Variants in PTPN13 observed in about 807,000 individuals in gnomAD.
PTPN13 encodes the protein protein tyrosine phosphatase non-receptor type 13, also known as tyrosine-protein phosphatase non-receptor type 13.
A neutral mutation model predicts 284.0 loss-of-function variants in PTPN13; 191 were observed. The ratio of observed to expected loss-of-function variants is 0.67; its 90% CI spans 0.60 to 0.76. The LOEUF is 0.76. Ranked by LOEUF, PTPN13 falls within the 30% of genes least tolerant of loss-of-function variation. The probability of loss-of-function intolerance (pLI) is 0.00; values close to 1 mark genes in which losing one functional copy is unlikely to be tolerated. For missense variants in PTPN13, 2,797 were observed against 2,939.9 expected (o/e 0.95, Z 1.12); for synonymous variants, 986 against 1,022.3 (o/e 0.96, Z 0.68).
chr4:86,639,787 A>G (rs1723545610), intron 2 of PTPN13, among the ~76,000 whole-genome samples: 1 of 152,030 alleles, frequency 6.6e-6, no homozygotes, highest in Non-Finnish European at 1.5e-5. Context: ...TATGTAACTA[A>G]CCTGCACAAT....
intron 41 of PTPN13, among the ~76,000 whole-genome samples, chr4:86,797,812 T>G (rs1317928381): frequency 6.6e-6 from 1 of 151,990 alleles, no homozygotes; most frequent in Non-Finnish European, 1.5e-5. Context: ...CATAAAAATA[T>G]TTTTAAACAA....
intron 1 of PTPN13, among the ~76,000 whole-genome samples, chr4:86,603,034 T>G (rs1314169609): frequency 6.6e-6 from 1 of 152,158 alleles, no homozygotes; most frequent in Non-Finnish European, 1.5e-5. Context: ...TATTTCCTGT[T>G]TAGGAATCAC....
chr4:86,729,283 C>G (rs1248834921), intron 10 of PTPN13, among the ~76,000 whole-genome samples: 2 of 149,434 alleles, frequency 1.3e-5, no homozygotes, highest in African/African-American at 4.9e-5. Flanking sequence ...TTTTTTCCTT[C>G]ATTTCAACCT....
At position 86,805,222 on chromosome 4, in the gene PTPN13, A is replaced by G. The variant is rs879031719; in HGVS notation, c.6655-57A>G. The G allele has an allele frequency of 7.6e-5, 87 of 1,149,828 alleles. No homozygotes were observed. In the South Asian group the frequency reaches 1.2e-3, roughly 16 times the overall value. 71.2% of individuals were successfully genotyped at this position (1,149,828 alleles called of 1,614,324 possible). On this transcript the variant is annotated intron_variant, in intron 43 of 47. Transcript: ENST00000411767. ...GCCCCTACACATTTAAAGTATTTGA[A>G]GTTATTACTGAATTACTGCTTATCT...
intron 9 of PTPN13, among the ~76,000 whole-genome samples, chr4:86,721,729 C>T (rs1733682822): frequency 8.5e-6 from 1 of 117,512 alleles, no homozygotes; most frequent in Admixed American, 9.4e-5. Context: ...CCCTCCCCTT[C>T]CCCCTTCCCC....
At chr4:86,659,743 G>C (rs1726259794) in intron 2 of PTPN13, among the ~76,000 whole-genome samples, 1 of 152,014 alleles carries the variant, frequency 6.6e-6, no homozygotes, top group Admixed American at 6.5e-5. Flanking sequence ...TTGAACCTGG[G>C]AGGCAGAGGT....
chr4:86,612,614 C>T (rs1175370633), intron 1 of PTPN13, among the ~76,000 whole-genome samples: 14 of 152,154 alleles, frequency 9.2e-5, no homozygotes, highest in Admixed American at 5.9e-4. Flanking sequence ...AAGAAAATTA[C>T]ACCAAGGCAC....
chr4:86,750,206 T>C (rs184710606), intron 17 of PTPN13, among the ~76,000 whole-genome samples: 14 of 152,254 alleles, frequency 9.2e-5, no homozygotes, highest in African/African-American at 3.4e-4. Context: ...CCAAACATTG[T>C]TGAGTCCAAG....
At chr4:86,801,708 A>C (rs780971139) in intron 42 of PTPN13, among the ~76,000 whole-genome samples, 2 of 152,184 alleles carry the variant, frequency 1.3e-5, no homozygotes, top group Admixed American at 6.5e-5. Flanking sequence ...TATTCAGGTG[A>C]TCTAGAATGT....
At chr4:86,756,519 C>A (rs1054822570) in intron 20 of PTPN13, among the ~76,000 whole-genome samples, 2 of 152,014 alleles carry the variant, frequency 1.3e-5, no homozygotes, top group African/African-American at 4.8e-5. Flanking sequence ...TACCACTACT[C>A]TTATTGCTAA....
At chr4:86,801,688 A>G (rs1160987037) in intron 42 of PTPN13, among the ~76,000 whole-genome samples, 3 of 152,210 alleles carry the variant, frequency 2.0e-5, no homozygotes, top group Non-Finnish European at 4.4e-5. Flanking sequence ...GTGTTTAGTT[A>G]TGAGTTGGTT....
chr4:86,719,783 T>G (rs968023603), intron 9 of PTPN13, among the ~76,000 whole-genome samples: 1 of 152,216 alleles, frequency 6.6e-6, no homozygotes, highest in Admixed American at 6.6e-5. Flanking sequence ...TTTAAGGGTG[T>G]CTTTCATGTG....
rs116978051 is a variant in PTPN13 at position 86,751,357 on chromosome 4, T to A, written c.3166+233T>A. Among the ~76,000 whole-genome samples, 54 of 152,278 alleles carry A rather than the reference T, an allele frequency of 3.5e-4. 2 individuals are homozygous for A. The East Asian group carries it at 0.01, about 28-fold the overall frequency. On this transcript the variant is annotated intron_variant, in intron 19 of 47. Coordinates refer to ENST00000411767, the MANE Select transcript of PTPN13 (RefSeq NM_080683.3). ...TTTTTTTCCCCCTCAGACAGGGTCTTACTCTGTCACCCAGTCTGGAGTGCA... is the reference window on the plus strand; with the variant it reads ...TTTTTTTCCCCCTCAGACAGGGTCTAACTCTGTCACCCAGTCTGGAGTGCA...
intron 1 of PTPN13, among the ~76,000 whole-genome samples, chr4:86,603,577 C>T (rs561587707): frequency 6.6e-6 from 1 of 152,156 alleles, no homozygotes; most frequent in East Asian, 1.9e-4. Flanking sequence ...GTTATGAATT[C>T]CAAAGATGAT....
At chr4:86,773,224 T>C (rs1469300496) in intron 32 of PTPN13, among the ~76,000 whole-genome samples, 1 of 152,204 alleles carries the variant, frequency 6.6e-6, no homozygotes, top group Non-Finnish European at 1.5e-5. Flanking sequence ...TGAGTCTTGG[T>C]AACTTTGACT....
At chr4:86,749,123 T>G (rs927388057) in intron 17 of PTPN13, among the ~76,000 whole-genome samples, 1 of 152,210 alleles carries the variant, frequency 6.6e-6, no homozygotes, top group Non-Finnish European at 1.5e-5. Flanking sequence ...ATTAAAAACC[T>G]TTAATGTTTT....
chr4:86,624,389 A>G (rs1469631720), intron 1 of PTPN13, among the ~76,000 whole-genome samples: 1 of 152,174 alleles, frequency 6.6e-6, no homozygotes, highest in Non-Finnish European at 1.5e-5. Context: ...CAGTGCTCTC[A>G]TTATAAGATG....
Position 86,767,905 on chromosome 4 carries a change from A to G in PTPN13, c.4418A>G (p.Asn1473Ser). ...CCACAGTGTACCCTTTCAGATCAGA[A>G]TGCCCAAGGTCAAGGCCCAGAAAAA... ...VTPQCTLSDQ[N>S]AQGQGPEKVK... Residue 1473 changes from asparagine to serine, a missense_variant, in exon 28 of 48, where the codon AAT (asparagine) becomes AGT (serine). Physicochemically the swap from Asn to Ser is conservative, Grantham distance 46. Coordinates refer to ENST00000411767, the MANE Select transcript of PTPN13 (RefSeq NM_080683.3). 1 of 1,609,818 alleles carries G rather than the reference A, an allele frequency of 6.2e-7. No homozygotes were observed.
chr4:86,700,807 C>T (rs1033816958), intron 6 of PTPN13, among the ~76,000 whole-genome samples: 1 of 152,040 alleles, frequency 6.6e-6, no homozygotes, highest in Non-Finnish European at 1.5e-5. Context: ...TTTAAAAGAT[C>T]GAAATATACT....
Sources: gnomAD v4.1 joint callset for allele counts (sites outside exome capture counted in the v4.1 genomes callset) on GRCh38, gnomAD v4.1.1 for gene constraint, MANE v1.5 for transcripts, NCBI Gene and HGNC (gene_info 2026-07-23, HGNC 2026-07-21) for gene names.